NRXN1: variants seen among roughly 807,000 people sequenced by gnomAD.
NRXN1 encodes neurexin-1.
Under a neutral mutation model 150.9 loss-of-function variants are expected in NRXN1, and 39 were observed. That is an observed-to-expected ratio of 0.26 (90% confidence interval 0.20 to 0.34). The LOEUF is 0.34. Ranked by LOEUF, NRXN1 falls within the 10% of genes least tolerant of loss-of-function variation. The probability of loss-of-function intolerance (pLI) is 1.00; values close to 1 mark genes in which losing one functional copy is unlikely to be tolerated. For missense variants in NRXN1, 1,815 were observed against 1,949.9 expected (o/e 0.93, Z 1.30); for synonymous variants, 924 against 757.0 (o/e 1.22, Z -3.62).
chr2:50,790,897 T>C (rs1203460611), intron 5 of NRXN1, among the ~76,000 whole-genome samples: 3 of 152,106 alleles, frequency 2.0e-5, no homozygotes, highest in Non-Finnish European at 2.9e-5. Context: ...TGTGGGATTT[T>C]CCACTTTTGG....
At chr2:50,597,236 T>C (rs576219849) in intron 8 of NRXN1, among the ~76,000 whole-genome samples, 3 of 152,140 alleles carry the variant, frequency 2.0e-5, no homozygotes, top group African/African-American at 7.2e-5. Context: ...GTCTCTGTTA[T>C]AGCTAGCTCA....
intron 5 of NRXN1, among the ~76,000 whole-genome samples, chr2:50,675,583 A>C (rs1210849390): frequency 5.9e-5 from 9 of 152,202 alleles, no homozygotes; most frequent in Admixed American, 5.9e-4. Context: ...CAACAGTGAA[A>C]TATGTTAAAT....
At position 50,593,265 on chromosome 2, in the gene NRXN1, TC is replaced by T. The variant is rs1321365889; in HGVS notation, c.1320+26756del. Among the ~76,000 whole-genome samples the T allele has an allele frequency of 5.3e-5, 8 of 152,342 alleles. No homozygotes were observed. The East Asian group carries it at 1.3e-3, about 26-fold the overall frequency. On this transcript the variant is annotated intron_variant, in intron 8 of 22. Coordinates refer to ENST00000401669, the MANE Select transcript of NRXN1 (RefSeq NM_001330078.2). ...AGAATATGTTTGGAGCATATTTTCT[TC>T]ATTCCAGTCAGCCCAGCTCCACCTC...
rs186874890 is a variant in NRXN1, at chr2:50,619,937, G to A, written c.1320+85C>T. 2.6e-3 allele frequency: 3,175 copies of A among 1,227,844 alleles called. 15 individuals are homozygous for A. The highest frequency in any genetic ancestry group is 0.018 in the African/African-American group (1,177 of 65,980). The allele number at this position is 1,227,844 out of a possible 1,614,324, so 76.1% of individuals were successfully genotyped here. On this transcript the variant is annotated intron_variant, in intron 8 of 22. Coordinates refer to ENST00000401669, the MANE Select transcript of NRXN1 (RefSeq NM_001330078.2). ...TTGTGCCGTTTGACTCTGGAACATC[G>A]GGTCTTCAGCAAAGGTGCTTTCATG...
At chr2:50,123,622 C>A (rs1704167263) in intron 18 of NRXN1, among the ~76,000 whole-genome samples, 1 of 152,094 alleles carries the variant, frequency 6.6e-6, no homozygotes, top group African/African-American at 2.4e-5. Flanking sequence ...ATCTAAAACA[C>A]AAGTTCAGAG....
At chr2:50,103,531 G>A (rs1463378148) in intron 18 of NRXN1, among the ~76,000 whole-genome samples, 1 of 151,946 alleles carries the variant, frequency 6.6e-6, no homozygotes, top group African/African-American at 2.4e-5. Context: ...CTTCAAATGA[G>A]ACGAAGGATT....
rs1026357442 is a variant in NRXN1, at chr2:50,488,548, A to G, written c.3070+7357T>C. ...CCAAGTGAGGCTGCAACACTGGCTT[A>G]TTGCTAAGAGCTTTCCTGAGTACGC... On this transcript the variant is annotated intron_variant, in intron 15 of 22. Transcript: ENST00000401669. Among the ~76,000 whole-genome samples the G allele has an allele frequency of 2.0e-5, 3 of 152,294 alleles. No individual in the cohort carries two copies. In the East Asian group the frequency reaches 5.8e-4, roughly 30 times the overall value.
chr2:50,455,871 T>A (rs1263628245), intron 17 of NRXN1, among the ~76,000 whole-genome samples: 1 of 152,176 alleles, frequency 6.6e-6, no homozygotes, highest in Non-Finnish European at 1.5e-5. Flanking sequence ...TGGAGAAGCT[T>A]TGCAAGCAAA....
intron 17 of NRXN1, among the ~76,000 whole-genome samples, chr2:50,359,850 G>A (rs1300400626): frequency 2.0e-5 from 3 of 152,044 alleles, no homozygotes; most frequent in South Asian, 2.1e-4. Context: ...TCAAGGGCAC[G>A]CAGAGAGAAA....
intron 5 of NRXN1, among the ~76,000 whole-genome samples, chr2:50,675,070 G>A (rs1689364009): frequency 1.3e-5 from 2 of 151,884 alleles, no homozygotes; most frequent in South Asian, 4.2e-4. Flanking sequence ...CTCACCATGT[G>A]GCACACTGGC....
chr2:50,567,736 T>C (rs527243366), intron 8 of NRXN1, among the ~76,000 whole-genome samples: 2 of 152,270 alleles, frequency 1.3e-5, no homozygotes, highest in African/African-American at 4.8e-5. Context: ...AATTTCATCA[T>C]TAGATATCAT....
At chr2:50,446,994 G>C (rs1416248786) in intron 17 of NRXN1, among the ~76,000 whole-genome samples, 2 of 152,090 alleles carry the variant, frequency 1.3e-5, no homozygotes, top group South Asian at 2.1e-4. Flanking sequence ...TTATCTTCTT[G>C]TTAAATAAAA....
intron 17 of NRXN1, among the ~76,000 whole-genome samples, chr2:50,288,738 T>C (rs1302821316): frequency 6.6e-6 from 1 of 152,172 alleles, no homozygotes; most frequent in Non-Finnish European, 1.5e-5. Context: ...CATGTCCCCA[T>C]GATTCAATCA....
At chr2:51,011,061 A>T (rs1667777441) in intron 2 of NRXN1, among the ~76,000 whole-genome samples, 1 of 152,008 alleles carries the variant, frequency 6.6e-6, no homozygotes, top group Non-Finnish European at 1.5e-5. Flanking sequence ...GGAATGAGCC[A>T]CCCTGCCCAG....
chr2:50,047,011 T>G (rs1333758604), intron 21 of NRXN1, among the ~76,000 whole-genome samples: 1 of 152,174 alleles, frequency 6.6e-6, no homozygotes, highest in African/African-American at 2.4e-5. Context: ...TTTCAGTCTA[T>G]CACATAGAAT....
chr2:50,851,881 C>T (rs1674569105), intron 5 of NRXN1, among the ~76,000 whole-genome samples: 1 of 152,160 alleles, frequency 6.6e-6, no homozygotes, highest in Non-Finnish European at 1.5e-5. Flanking sequence ...CTAATGGTAA[C>T]ATAAATGACT....
intron 8 of NRXN1, chr2:50,554,496 G>A (rs1667951479): frequency 1.3e-5 from 2 of 152,050 alleles, no homozygotes; most frequent in South Asian, 2.1e-4. Context: ...TCCCTGAAAG[G>A]AAAATAATAC....
At chr2:50,552,249 CA>C (rs1667644224) in intron 9 of NRXN1, among the ~76,000 whole-genome samples, 1 of 152,018 alleles carries the variant, frequency 6.6e-6, no homozygotes, top group South Asian at 2.1e-4. Flanking sequence ...CATCCAATAA[CA>C]TAAGAGAAAA....
At chr2:50,371,504 A>G (rs185364099) in intron 17 of NRXN1, among the ~76,000 whole-genome samples, 295 of 152,196 alleles carry the variant, frequency 1.9e-3, no homozygotes, top group African/African-American at 6.9e-3. Context: ...TCTAATCACT[A>G]CACCTTAATT....
Sources: gnomAD v4.1 joint callset for allele counts (sites outside exome capture counted in the v4.1 genomes callset) on GRCh38, gnomAD v4.1.1 for gene constraint, MANE v1.5 for transcripts, NCBI Gene and HGNC (gene_info 2026-07-23, HGNC 2026-07-21) for gene names.